COL23A1: variants seen among roughly 807,000 people sequenced by gnomAD.
COL23A1 encodes the protein collagen type XXIII alpha 1 chain, also known as collagen alpha-1(XXIII) chain.
A neutral mutation model predicts 99.3 loss-of-function variants in COL23A1; 97 were observed. The ratio of observed to expected loss-of-function variants is 0.98; its 90% CI spans 0.83 to 1.16. The LOEUF (loss-of-function observed/expected upper bound fraction) is 1.16. COL23A1 is among the 50% of genes most tolerant of loss of function. The probability of loss-of-function intolerance (pLI) is 0.00; values close to 1 mark genes in which losing one functional copy is unlikely to be tolerated. For missense variants in COL23A1, 762 were observed against 757.4 expected, an observed-to-expected ratio of 1.01 and a Z score of -0.07; for synonymous variants, 320 against 308.2, an observed-to-expected ratio of 1.04 and a Z score of -0.40.
intron 1 of COL23A1, among the ~76,000 whole-genome samples, chr5:178,582,493 C>A (rs1023168470): frequency 1.3e-5 from 2 of 152,178 alleles, no homozygotes; most frequent in African/African-American, 4.8e-5. Flanking sequence ...GCAGAGAGGG[C>A]TCCTCTGAAG....
intron 2 of COL23A1, among the ~76,000 whole-genome samples, chr5:178,319,018 C>T (rs907413270): frequency 6.6e-5 from 10 of 152,044 alleles, no homozygotes; most frequent in African/African-American, 1.2e-4. Context: ...ATGTTGCCAA[C>T]GCTGGCAGCA....
At chr5:178,337,372 C>T (rs1760396529) in intron 2 of COL23A1, among the ~76,000 whole-genome samples, 1 of 152,248 alleles carries the variant, frequency 6.6e-6, no homozygotes, top group Non-Finnish European at 1.5e-5. Context: ...CCCACCTTTC[C>T]ACTCTGGAGG....
rs569692860 is a variant in COL23A1 at position 178,314,575 on chromosome 5, A to G, written c.362-7656T>C. On this transcript the variant is annotated intron_variant, in intron 2 of 28. Transcript: ENST00000390654. Reference sequence around the variant, plus strand: ...CAGAGGGCCTCAAATGTGGACATTCATGTGCTCTACAAAGGAGCTGACAGC... The same window carrying G: ...CAGAGGGCCTCAAATGTGGACATTCGTGTGCTCTACAAAGGAGCTGACAGC... Among the ~76,000 whole-genome samples the G allele has an allele frequency of 1.3e-4, 20 of 152,226 alleles. No homozygotes were observed. The South Asian group carries it at 3.5e-3, about 27-fold the overall frequency.
rs139198414 is a variant in COL23A1 at position 178,425,502 on chromosome 5, C to T, written c.362-118583G>A. Among the ~76,000 whole-genome samples the T allele has an allele frequency of 7.6e-4, 116 of 152,152 alleles. 1 individual carries two copies. Among genetic ancestry groups the T allele is most frequent in the African/African-American group, 1.8e-3 (73 of 41,498 alleles). On this transcript the variant is annotated intron_variant, in intron 2 of 28. Coordinates refer to ENST00000390654, the MANE Select transcript of COL23A1 (RefSeq NM_173465.4). ...TAAAGCCAATGGTGGCTGTTTCCCG[C>T]GCTCACCTCTGTTTCAGTTTCCTCA... is the stretch of plus-strand genomic sequence containing the variant.
chr5:178,332,952 G>GTT (rs111806170), intron 2 of COL23A1, among the ~76,000 whole-genome samples: 8 of 150,628 alleles, frequency 5.3e-5, no homozygotes, highest in African/African-American at 1.7e-4. Context: ...CTCATGGTTT[G>GTT]TTTTTTTTTG....
intron 2 of COL23A1, among the ~76,000 whole-genome samples, chr5:178,505,236 G>C (rs1220771079): frequency 6.7e-6 from 1 of 149,268 alleles, no homozygotes; most frequent in Non-Finnish European, 1.5e-5. Flanking sequence ...GGGTGTGTGT[G>C]TGTCTAAATT....
At chr5:178,463,259 C>T (rs1010930010) in intron 2 of COL23A1, among the ~76,000 whole-genome samples, 3 of 152,186 alleles carry the variant, frequency 2.0e-5, no homozygotes, top group African/African-American at 7.2e-5. Flanking sequence ...TCTTTCTATT[C>T]TTTCCAGAAA....
chr5:178,518,415 A>G (rs1247226461), intron 2 of COL23A1, among the ~76,000 whole-genome samples: 1 of 149,218 alleles, frequency 6.7e-6, no homozygotes, highest in Non-Finnish European at 1.5e-5. Context: ...TGTTGGGCAC[A>G]CCTCCCAGAC....
chr5:178,513,059 G>A (rs1409060134), intron 2 of COL23A1, among the ~76,000 whole-genome samples: 2 of 152,224 alleles, frequency 1.3e-5, no homozygotes, highest in Non-Finnish European at 2.9e-5. Context: ...GGCTCAAGCT[G>A]CAGGGAACAG....
chr5:178,345,257 A>G, intron 2 of COL23A1: 1 of 736,936 alleles, frequency 1.4e-6, no homozygotes. Flanking sequence ...AGACAGACCT[A>G]AATTTGATGA....
At chr5:178,541,768 A>C (rs189241136) in intron 2 of COL23A1, among the ~76,000 whole-genome samples, 17 of 152,318 alleles carry the variant, frequency 1.1e-4, no homozygotes, top group Admixed American at 1.1e-3. Context: ...ACAAATGAAT[A>C]ACCCTCAACT....
chr5:178,562,249 G>GAAAAAAA (rs777023242), intron 1 of COL23A1: 2 of 197,716 alleles, frequency 1.0e-5, no homozygotes, highest in African/African-American at 3.9e-5. Flanking sequence ...CTCAAAAAAA[G>GAAAAAAA]AAAAAAAAAA....
At chr5:178,240,901 A>G (rs1016182166) in intron 27 of COL23A1, among the ~76,000 whole-genome samples, 18 of 151,988 alleles carry the variant, frequency 1.2e-4, no homozygotes, top group African/African-American at 4.4e-4. Context: ...GTCTTTTCTG[A>G]GCTCCACCGG....
chr5:178,311,512 G>GCA lies in COL23A1; in HGVS notation c.362-4594_362-4593insTG, dbSNP rs57335117. 1.7e-3 allele frequency among the ~76,000 whole-genome samples: 58 copies of GCA among 34,402 alleles called. 1 individual carries two copies. Among genetic ancestry groups the GCA allele is most frequent in the African/African-American group, 5.9e-3 (56 of 9,430 alleles). The allele number at this position is 34,402 out of a possible 152,430, so 22.6% of individuals were successfully genotyped here. ...TGTGTGTGTGTGTGTGTGTGCGCGTGTGTGTGTGTGTGTGTGTGTAATGCG... is the reference window on the plus strand; with the variant it reads ...TGTGTGTGTGTGTGTGTGTGCGCGTGCATGTGTGTGTGTGTGTGTGTAATGCG... On this transcript the variant is annotated intron_variant, in intron 2 of 28. Coordinates refer to ENST00000390654, the MANE Select transcript of COL23A1 (RefSeq NM_173465.4).
chr5:178,562,739 G>GGGC (rs138625787), intron 1 of COL23A1: 39,695 of 140,674 alleles, frequency 0.28, 7,922 homozygotes, highest in East Asian at 0.31. Context: ...CTGGTGGTGG[G>GGGC]GGGGGTGCGG....
chr5:178,436,806 G>A (rs1237327204), intron 2 of COL23A1, among the ~76,000 whole-genome samples: 1 of 152,076 alleles, frequency 6.6e-6, no homozygotes, highest in Non-Finnish European at 1.5e-5. Context: ...TGGCAGGCTT[G>A]GTAAAAACTC....
At chr5:178,253,940 G>A (rs1340302311) in intron 16 of COL23A1, among the ~76,000 whole-genome samples, 1 of 151,144 alleles carries the variant, frequency 6.6e-6, no homozygotes, top group African/African-American at 2.4e-5. Context: ...GAGGTGGCAG[G>A]ATCACTTGAG....
At chr5:178,479,617 G>A in intron 2 of COL23A1, among the ~76,000 whole-genome samples, 1 of 152,184 alleles carries the variant, frequency 6.6e-6, no homozygotes, top group East Asian at 1.9e-4. Context: ...ACATGTTAGG[G>A]ACAAGTGGAG....
chr5:178,553,193 C>T (rs262007), intron 2 of COL23A1, among the ~76,000 whole-genome samples: 84,990 of 149,746 alleles, frequency 0.57, 27,158 homozygotes, highest in African/African-American at 0.86. Context: ...AAAAAAGTCC[C>T]AAGACAGCGT....
Sources: gnomAD v4.1 joint callset for allele counts (sites outside exome capture counted in the v4.1 genomes callset) on GRCh38, gnomAD v4.1.1 for gene constraint, MANE v1.5 for transcripts, NCBI Gene and HGNC (gene_info 2026-07-23, HGNC 2026-07-21) for gene names.